Variants in DLGAP1 observed in about 807,000 individuals in gnomAD.
DLGAP1 encodes the protein disks large-associated protein 1.
Under a neutral mutation model 90.8 loss-of-function variants are expected in DLGAP1, and 11 were observed. The observed-to-expected ratio is 0.12, with a 90% confidence interval of 0.08 to 0.20. The LOEUF (loss-of-function observed/expected upper bound fraction) is 0.20. Ranked by LOEUF, DLGAP1 falls within the 10% of genes least tolerant of loss-of-function variation. The pLI, the probability that DLGAP1 is intolerant of heterozygous loss-of-function variation, is 1.00. For missense variants in DLGAP1, 1,050 were observed against 1,333.8 expected (o/e 0.79, Z 3.31); for synonymous variants, 558 against 540.7 (o/e 1.03, Z -0.44).
chr18:4,235,579 T>C (rs1274970628), intron 1 of DLGAP1, among the ~76,000 whole-genome samples: 2 of 152,172 alleles, frequency 1.3e-5, no homozygotes, highest in African/African-American at 4.8e-5. Flanking sequence ...TCATTTGTTT[T>C]TGCCAGCACT....
chr18:3,881,774 A>G (rs1050778677), intron 3 of DLGAP1, among the ~76,000 whole-genome samples: 31 of 152,118 alleles, frequency 2.0e-4, no homozygotes, highest in African/African-American at 7.2e-4. Flanking sequence ...TTAGCCAGGC[A>G]TGGTGGCAGG....
At chr18:3,883,235 T>C (rs1012579937) in intron 3 of DLGAP1, among the ~76,000 whole-genome samples, 5 of 152,116 alleles carry the variant, frequency 3.3e-5, no homozygotes, top group Admixed American at 2.6e-4. Context: ...CAGAGCAAGA[T>C]TCCATCTCAA....
intron 10 of DLGAP1, among the ~76,000 whole-genome samples, chr18:3,520,665 C>T (rs915671864): frequency 1.3e-5 from 2 of 152,152 alleles, no homozygotes; most frequent in African/African-American, 4.8e-5. Context: ...GGGAAACCAG[C>T]CCCTTGATCT....
intron 1 of DLGAP1, among the ~76,000 whole-genome samples, chr18:4,285,189 T>C (rs2079657360): frequency 6.6e-6 from 1 of 152,142 alleles, no homozygotes; most frequent in Non-Finnish European, 1.5e-5. Flanking sequence ...AAAAGTAGAA[T>C]GAAGGGAAAT....
rs960843970 is a variant in DLGAP1 at position 4,106,029 on chromosome 18, C to T, written c.-159+45151G>A. Among the ~76,000 whole-genome samples the T allele has an allele frequency of 7.0e-3, 312 of 44,494 alleles. 3 individuals carry two copies. The highest frequency in any genetic ancestry group is 0.032 in the African/African-American group (295 of 9,252). The allele number at this position is 44,494 out of a possible 152,430, so 29.2% of individuals were successfully genotyped here. A position where few individuals can be genotyped will look rare whatever the true frequency, so the allele number is the denominator to read the frequency against. ...CCTGGGCGACAGAGCGAGGGTCCGT[C>T]TCAAAAAAAAAAAAAAAAAAAAAAA... On this transcript the variant is annotated intron_variant, in intron 2 of 12. Transcript: ENST00000315677.
chr18:4,306,560 C>T (rs926959031), intron 1 of DLGAP1, among the ~76,000 whole-genome samples: 2 of 151,460 alleles, frequency 1.3e-5, no homozygotes, highest in African/African-American at 4.9e-5. Context: ...AAAACAGAAG[C>T]CCTGGTTATG....
intron 2 of DLGAP1, among the ~76,000 whole-genome samples, chr18:4,026,586 C>T (rs1027035458): frequency 6.6e-6 from 1 of 152,016 alleles, no homozygotes; most frequent in African/African-American, 2.4e-5. Flanking sequence ...AGATGGAGCT[C>T]TGAGTATAAG....
intron 1 of DLGAP1, among the ~76,000 whole-genome samples, chr18:4,309,100 G>A (rs1229137580): frequency 6.6e-6 from 1 of 152,180 alleles, no homozygotes; most frequent in East Asian, 1.9e-4. Flanking sequence ...GATGTAGGTA[G>A]GTAGGTAAGA....
intron 4 of DLGAP1, 46 bp from the exon 5 acceptor site, chr18:3,814,319 C>G (rs1447776460): frequency 2.7e-6 from 4 of 1,496,018 alleles, no homozygotes; most frequent in Non-Finnish European, 3.6e-6. Flanking sequence ...AAAAGCCTAC[C>G]TTTTTCTTTT....
intron 2 of DLGAP1, among the ~76,000 whole-genome samples, chr18:4,039,061 T>G (rs1676098558): frequency 6.6e-6 from 1 of 152,130 alleles, no homozygotes; most frequent in Admixed American, 6.5e-5. Context: ...TCAGTTACTC[T>G]AGGGTTTACG....
At chr18:4,146,349 A>C (rs907686668) in intron 2 of DLGAP1, among the ~76,000 whole-genome samples, 2 of 152,202 alleles carry the variant, frequency 1.3e-5, no homozygotes, top group Non-Finnish European at 2.9e-5. Flanking sequence ...GAAAGAGCCG[A>C]GTTTTGAATT....
intron 9 of DLGAP1, among the ~76,000 whole-genome samples, chr18:3,535,366 G>C (rs1307801207): frequency 6.6e-6 from 1 of 152,126 alleles, no homozygotes; most frequent in Non-Finnish European, 1.5e-5. Context: ...TTGGTGATGA[G>C]TAAGGAAACT....
chr18:3,581,617 C>T (rs1160668354), intron 8 of DLGAP1, among the ~76,000 whole-genome samples: 4 of 148,984 alleles, frequency 2.7e-5, no homozygotes, highest in Non-Finnish European at 5.9e-5. Flanking sequence ...CTTGGCTACA[C>T]TCATGTTGCT....
rs1380778538 is a variant in DLGAP1, at chr18:3,775,512, G to T, written c.1173-33000C>A. ...CTTTCCCCTTCCACCATGATTGTAA[G>T]TTTCCCGAGGCCTCACCAAGCACGC... is the stretch of plus-strand genomic sequence containing the variant. On this transcript the variant is annotated intron_variant, in intron 5 of 12. Transcript: ENST00000315677. The surrounding 1 kb of genome is among the most constrained non-coding windows in gnomAD (Gnocchi z 4.9). Among the ~76,000 whole-genome samples the T allele has an allele frequency of 2.0e-5, 3 of 152,130 alleles. No homozygotes were observed. Among genetic ancestry groups the T allele is most frequent in the Admixed American group, 2.0e-4 (3 of 15,270 alleles).
intron 1 of DLGAP1, among the ~76,000 whole-genome samples, chr18:4,332,679 C>G (rs933778197): frequency 6.6e-6 from 1 of 151,840 alleles, no homozygotes; most frequent in Non-Finnish European, 1.5e-5. Context: ...GGGCTGATAC[C>G]TCAAATGGCC....
chr18:4,414,650 C>T (rs1364692080), intron 1 of DLGAP1, among the ~76,000 whole-genome samples: 5 of 150,820 alleles, frequency 3.3e-5, no homozygotes, highest in African/African-American at 7.3e-5. Flanking sequence ...CACTGGAACC[C>T]GGAAGGCAGA....
At chr18:3,895,972 T>C (rs1255574478) in intron 3 of DLGAP1, 2 of 152,200 alleles carry the variant, frequency 1.3e-5, no homozygotes, top group African/African-American at 4.8e-5. Flanking sequence ...GAAGATTTTT[T>C]CTCTTTCTGT....
At position 3,742,428 on chromosome 18, in the gene DLGAP1, G is replaced by A. The variant is rs765030394; in HGVS notation, c.1257C>T (p.Ser419=). 11 of 1,614,182 alleles carry A rather than the reference G, an allele frequency of 6.8e-6. No individual in the cohort carries two copies. The highest frequency in any genetic ancestry group is 9.3e-6 in the Non-Finnish European group (11 of 1,180,044). Reference sequence around the variant, plus strand: ...AGCCTGCAGGGTCCAGGCTGTCCAGGCTCCGGTTGATGGAGACTTCACTCA... The same window carrying A: ...AGCCTGCAGGGTCCAGGCTGTCCAGACTCCGGTTGATGGAGACTTCACTCA... ...RAVSEVSINR[S]LDSLDPAGLL... Residue 419 remains serine (S), a synonymous_variant, in exon 6 of 13, where the codon AGC becomes AGT. Transcript: ENST00000315677.
chr18:4,150,505 C>T (rs2076657348), intron 2 of DLGAP1, among the ~76,000 whole-genome samples: 1 of 152,202 alleles, frequency 6.6e-6, no homozygotes, highest in Non-Finnish European at 1.5e-5. Context: ...ATTCTCCTGC[C>T]TTAGTCTCCC....
Sources: gnomAD v4.1 joint callset for allele counts (sites outside exome capture counted in the v4.1 genomes callset) on GRCh38, gnomAD v4.1.1 for gene constraint, Gnocchi (gnomAD v3.1) non-coding constraint, MANE v1.5 for transcripts, NCBI Gene and HGNC (gene_info 2026-07-23, HGNC 2026-07-21) for gene names.